The following ZNF704 variants were observed in gnomAD, a reference collection of about 807,000 sequenced individuals.
ZNF704 encodes the protein glucocorticoid induced gene 1.
A neutral mutation model predicts 44.7 loss-of-function variants in ZNF704; 10 were observed. The ratio of observed to expected loss-of-function variants is 0.22; its 90% confidence interval spans 0.14 to 0.38. ZNF704 has a LOEUF of 0.38. Among genes scored for constraint, ZNF704 ranks in the 10% least tolerant of loss-of-function variants. ZNF704 has a pLI of 1.00. For missense variants in ZNF704, 390 were observed against 545.5 expected, an observed-to-expected ratio of 0.71 and a Z score of 2.84; for synonymous variants, 211 against 207.6, an observed-to-expected ratio of 1.02 and a Z score of -0.14.
chr8:80,855,673 G>A (rs909327519), intron 1 of ZNF704, among the ~76,000 whole-genome samples: 11 of 152,138 alleles, frequency 7.2e-5, no homozygotes, highest in East Asian at 1.9e-4. Flanking sequence ...TACAATGTAC[G>A]TTATTTAAGT....
intron 2 of ZNF704, among the ~76,000 whole-genome samples, chr8:80,695,483 A>G (rs1818710672): frequency 6.6e-6 from 1 of 152,174 alleles, no homozygotes; most frequent in Admixed American, 6.5e-5. Flanking sequence ...TTTGGTAAGG[A>G]GAGGGTCCCC....
chr8:80,685,877 G>A (rs1247918523), intron 4 of ZNF704, among the ~76,000 whole-genome samples: 1 of 152,150 alleles, frequency 6.6e-6, no homozygotes, highest in African/African-American at 2.4e-5. Flanking sequence ...AAATGAATTG[G>A]GGGAGGAAAA....
At chr8:80,729,398 T>C (rs907644678) in intron 2 of ZNF704, among the ~76,000 whole-genome samples, 1 of 152,086 alleles carries the variant, frequency 6.6e-6, no homozygotes, top group Non-Finnish European at 1.5e-5. Flanking sequence ...CTCTTCATAG[T>C]GTCGTGAGGT....
In ZNF704 at chr8:80,813,042, G is replaced by A. The variant is rs374892008; in HGVS notation, c.221+8332C>T. 1.7e-4 allele frequency among the ~76,000 whole-genome samples: 26 copies of A among 152,270 alleles called. 1 individual carries two copies. The highest frequency in any genetic ancestry group is 4.8e-4 in the African/African-American group (20 of 41,552). ...ATTCTGCAGAGGCAACCTACGGCAC[G>A]GGCATCACAAAAGTGGTATAATGGT... On this transcript the variant is annotated intron_variant, in intron 2 of 8. Coordinates refer to ENST00000327835, the MANE Select transcript of ZNF704 (RefSeq NM_001033723.3).
At chr8:80,812,371 C>A in intron 2 of ZNF704, 1 of 180,064 alleles carries the variant, frequency 5.6e-6, no homozygotes, top group South Asian at 1.4e-4. Flanking sequence ...TTCGCAACAT[C>A]ATCAATGGAT....
chr8:80,798,506 C>T (rs920312474), intron 2 of ZNF704, among the ~76,000 whole-genome samples: 7 of 152,296 alleles, frequency 4.6e-5, no homozygotes, highest in South Asian at 2.1e-4. Flanking sequence ...CTGCCCATCT[C>T]GGCCTCCCAA....
chr8:80,801,319 TGATA>T (rs1298552917), intron 2 of ZNF704, among the ~76,000 whole-genome samples: 1 of 152,198 alleles, frequency 6.6e-6, no homozygotes, highest in East Asian at 1.9e-4. Flanking sequence ...CAAGTGTTCC[TGATA>T]GATATATACA....
chr8:80,762,092 TG>T (rs1437548821), intron 2 of ZNF704, among the ~76,000 whole-genome samples: 6 of 152,214 alleles, frequency 3.9e-5, no homozygotes, highest in African/African-American at 1.4e-4. Flanking sequence ...TGCACTTTTG[TG>T]AAGTCAAATT....
intron 2 of ZNF704, 61 bp downstream of exon 2, chr8:80,821,313 T>C (rs1259603806): frequency 1.3e-6 from 2 of 1,483,520 alleles, no homozygotes; most frequent in Non-Finnish European, 1.9e-6. Flanking sequence ...CTGGCAGAGA[T>C]TATGCATGCT....
intron 2 of ZNF704, among the ~76,000 whole-genome samples, chr8:80,784,581 G>A (rs1328302872): frequency 6.6e-6 from 1 of 152,108 alleles, no homozygotes; most frequent in East Asian, 1.9e-4. Flanking sequence ...TGTCTGTTCA[G>A]GTCTTTTGCC....
At chr8:80,648,889 C>T (rs747043592) in intron 7 of ZNF704, among the ~76,000 whole-genome samples, 24 of 152,138 alleles carry the variant, frequency 1.6e-4, no homozygotes, top group African/African-American at 3.9e-4. Flanking sequence ...AACTCACTTC[C>T]GAATGATGTC....
chr8:80,673,178 T>A (rs1031344361), intron 4 of ZNF704: 2 of 152,156 alleles, frequency 1.3e-5, no homozygotes, highest in African/African-American at 4.8e-5. Flanking sequence ...AAATGTTAAA[T>A]TATGGTTAAG....
chr8:80,882,916 A>G, the ZNF704 span, among the ~76,000 whole-genome samples: 1 of 151,946 alleles, frequency 6.6e-6, no homozygotes, highest in East Asian at 1.9e-4. Context: ...ATAACCCTTA[A>G]TTAATCCTTC....
chr8:80,663,536 G>GT (rs1201431419), intron 6 of ZNF704, among the ~76,000 whole-genome samples: 1 of 152,106 alleles, frequency 6.6e-6, no homozygotes. Flanking sequence ...AGAGGAGGGT[G>GT]TGGAAGAGGG....
chr8:80,648,007 C>T lies in ZNF704; in HGVS notation c.1033-4878G>A, dbSNP rs189448193. Among the ~76,000 whole-genome samples the T allele has an allele frequency of 1.1e-3, 161 of 152,232 alleles. 3 individuals are homozygous for T. The highest frequency in any genetic ancestry group is 4.6e-4 in the Admixed American group (7 of 15,292). ...AGGTTGAGGGGCCGGCATGTGACAACGGCCTTCTCGCTGTGTCATCCCAGG... is the reference window on the plus strand; with the variant it reads ...AGGTTGAGGGGCCGGCATGTGACAATGGCCTTCTCGCTGTGTCATCCCAGG... On this transcript the variant is annotated intron_variant, in intron 7 of 8. Coordinates refer to ENST00000327835, the MANE Select transcript of ZNF704 (RefSeq NM_001033723.3).
intron 1 of ZNF704, among the ~76,000 whole-genome samples, chr8:80,852,095 A>G (rs1808874766): frequency 6.6e-6 from 1 of 152,190 alleles, no homozygotes; most frequent in Non-Finnish European, 1.5e-5. Context: ...CAGTGCCCCC[A>G]GCCAGTAGGG....
At chr8:80,701,858 T>C (rs1470259291) in intron 2 of ZNF704, among the ~76,000 whole-genome samples, 1 of 151,544 alleles carries the variant, frequency 6.6e-6, no homozygotes, top group Non-Finnish European at 1.5e-5. Flanking sequence ...GGTTGTGGGG[T>C]GGATGGAAAC....
At chr8:80,695,581 C>G (rs899095138) in intron 2 of ZNF704, among the ~76,000 whole-genome samples, 1 of 152,222 alleles carries the variant, frequency 6.6e-6, no homozygotes, top group African/African-American at 2.4e-5. Flanking sequence ...TTTTGCCCCT[C>G]TCTCAATCTG....
chr8:80,676,710 G>C (rs1026964680), intron 4 of ZNF704, among the ~76,000 whole-genome samples: 2 of 152,228 alleles, frequency 1.3e-5, no homozygotes, highest in Non-Finnish European at 1.5e-5. Context: ...CGGTTTCATG[G>C]AAGGCAATTT....
Sources: allele counts gnomAD v4.1 joint callset (sites outside exome capture counted in the v4.1 genomes callset), GRCh38; gene constraint gnomAD v4.1.1; transcripts MANE v1.5; gene names NCBI Gene and HGNC (gene_info 2026-07-23, HGNC 2026-07-21).